The following TTC7B variants were observed in gnomAD, a reference collection of about 807,000 sequenced individuals.
TTC7B encodes tetratricopeptide repeat protein 7B.
In TTC7B, 28 loss-of-function variants were observed where a neutral mutation model predicts 106.8. That is an observed-to-expected ratio of 0.26 (90% CI 0.19 to 0.36). TTC7B has a LOEUF of 0.36. Ranked by LOEUF, TTC7B falls within the 10% of genes least tolerant of loss-of-function variation. The probability of loss-of-function intolerance (pLI) is 1.00; values close to 1 mark genes in which losing one functional copy is unlikely to be tolerated. For missense variants in TTC7B, 862 were observed against 1,076.4 expected, an observed-to-expected ratio of 0.80 and a Z score of 2.79; for synonymous variants, 405 against 430.6, an observed-to-expected ratio of 0.94 and a Z score of 0.74.
intron 19 of TTC7B, among the ~76,000 whole-genome samples, chr14:90,563,795 C>T (rs1055347259): frequency 6.6e-6 from 1 of 152,346 alleles, no homozygotes; most frequent in South Asian, 2.1e-4. Context: ...AATGTCTTCA[C>T]CAGGAGTAGA....
At chr14:90,561,801 C>A (rs1890599569) in intron 19 of TTC7B, among the ~76,000 whole-genome samples, 1 of 152,200 alleles carries the variant, frequency 6.6e-6, no homozygotes. Flanking sequence ...CTGGCTACAG[C>A]CCTAAGCTGA....
chr14:90,725,481 G>A (rs572628499), intron 5 of TTC7B, among the ~76,000 whole-genome samples: 2 of 152,228 alleles, frequency 1.3e-5, no homozygotes, highest in Non-Finnish European at 2.9e-5. Context: ...CAATTGCAAA[G>A]AGATTATATG....
At chr14:90,551,529 A>AT (rs1301895422) in intron 19 of TTC7B, among the ~76,000 whole-genome samples, 1 of 152,114 alleles carries the variant, frequency 6.6e-6, no homozygotes, top group Non-Finnish European at 1.5e-5. Flanking sequence ...ACACCAGCAC[A>AT]TGTGAGTCAC....
At chr14:90,625,601 T>C (rs759605959) in intron 15 of TTC7B, among the ~76,000 whole-genome samples, 3 of 152,186 alleles carry the variant, frequency 2.0e-5, no homozygotes, top group Admixed American at 2.0e-4. Context: ...GGTGAGCCTA[T>C]GATGCTGGGA....
intron 6 of TTC7B, among the ~76,000 whole-genome samples, chr14:90,694,681 T>TTATTTTATTACAAAATA: frequency 7.0e-6 from 1 of 143,612 alleles, no homozygotes; most frequent in African/African-American, 2.5e-5. Context: ...ATGTATATTT[T>TTATTTTATTACAAAATA]TATTTTATTA....
At position 90,534,330 on chromosome 14, in the gene TTC7B, G is replaced by C. The variant is rs895140367; in HGVS notation, c.*7038C>G. 7 of 152,344 alleles carry C rather than the reference G, an allele frequency of 4.6e-5. No homozygotes were observed. Among genetic ancestry groups the C allele is most frequent in the Admixed American group, 2.0e-4 (3 of 15,312 alleles). The allele number at this position is 152,344 out of a possible 1,614,324, so 9.4% of individuals were successfully genotyped here. A position where few individuals can be genotyped will look rare whatever the true frequency, so the allele number is the denominator to read the frequency against. ...CCCTAAGGCTCAGCCCTGGGGCTCG[G>C]CCCATTTTCCTGTGTGGGGTCCTCA... is the stretch of plus-strand genomic sequence containing the variant. On this transcript the variant is annotated 3_prime_UTR_variant, in exon 20 of 20. Transcript: ENST00000328459.
chr14:90,680,356 C>T, intron 8 of TTC7B, 116 bp downstream of exon 8: 1 of 758,206 alleles, frequency 1.3e-6, no homozygotes, highest in Non-Finnish European at 2.2e-6. Context: ...CCAGGTATAC[C>T]CTCTAGAAAG....
At position 90,541,198 on chromosome 14, in the gene TTC7B, A is replaced by G. The variant is rs1378673632; in HGVS notation, c.*170T>C. On this transcript the variant is annotated 3_prime_UTR_variant, in exon 20 of 20. Coordinates refer to ENST00000328459, the MANE Select transcript of TTC7B (RefSeq NM_001010854.2). The stretch of plus-strand genomic sequence containing the variant: ...GGCAAAAAAAACAAGAGAAACGCAC[A>G]TGGCGAGAGCGATGATTCGGGGTTG... The G allele has an allele frequency of 3.9e-6, 2 of 519,130 alleles. No individual in the cohort carries two copies. The highest frequency in any genetic ancestry group is 3.6e-5 in the Admixed American group (1 of 27,842). 32.2% of individuals were successfully genotyped at this position (519,130 alleles called of 1,614,324 possible).
rs560270175 is a variant in TTC7B at position 90,717,338 on chromosome 14, C to CAA, written c.698+12735_698+12736dup. 1.0e-3 allele frequency among the ~76,000 whole-genome samples: 83 copies of CAA among 83,086 alleles called. 1 individual carries two copies. Among genetic ancestry groups the CAA allele is most frequent in the African/African-American group, 3.1e-3 (68 of 21,766 alleles). 54.5% of individuals were successfully genotyped at this position (83,086 alleles called of 152,430 possible). Reference sequence around the variant, plus strand: ...TGGGCAACAGAGAGGGACTCCATCTCAAAAAAAAAAAAAAAGAAAAGAAAT... The same window carrying CAA: ...TGGGCAACAGAGAGGGACTCCATCTCAAAAAAAAAAAAAAAAAGAAAAGAAAT... On this transcript the variant is annotated intron_variant, in intron 5 of 19. Transcript: ENST00000328459.
chr14:90,636,920 T>C (rs1275048874), intron 15 of TTC7B, among the ~76,000 whole-genome samples: 1 of 151,018 alleles, frequency 6.6e-6, no homozygotes, highest in Non-Finnish European at 1.5e-5. Flanking sequence ...TAAATGCTTA[T>C]GTCAGAAAAT....
At chr14:90,589,639 T>C (rs1595183901) in intron 18 of TTC7B, among the ~76,000 whole-genome samples, 1 of 152,320 alleles carries the variant, frequency 6.6e-6, no homozygotes, top group African/African-American at 2.4e-5. Context: ...GGGATACTTA[T>C]TGAAGCATTA....
chr14:90,679,815 G>T (rs1273754233), intron 8 of TTC7B, among the ~76,000 whole-genome samples: 2 of 152,156 alleles, frequency 1.3e-5, no homozygotes, highest in Non-Finnish European at 2.9e-5. Flanking sequence ...AATGATGAGT[G>T]GTGAAATAGA....
At chr14:90,543,065 A>G (rs1457872577) in intron 19 of TTC7B, among the ~76,000 whole-genome samples, 1 of 152,208 alleles carries the variant, frequency 6.6e-6, no homozygotes, top group Non-Finnish European at 1.5e-5. Flanking sequence ...TTTCTTTAAT[A>G]ACCATTGAGG....
chr14:90,794,487 A>G (rs11159977), intron 1 of TTC7B, among the ~76,000 whole-genome samples: 20,727 of 151,728 alleles, frequency 0.14, 1,674 homozygotes, highest in Non-Finnish European at 0.18. Flanking sequence ...CGGCCTCCCA[A>G]AGTGCTGGGA....
At chr14:90,569,974 G>A (rs892901656) in intron 19 of TTC7B, 1 of 152,268 alleles carries the variant, frequency 6.6e-6, no homozygotes, top group African/African-American at 2.4e-5. Context: ...GTCTGACAAG[G>A]AAGAGTATGC....
At chr14:90,654,078 G>A (rs187826375) in intron 12 of TTC7B, among the ~76,000 whole-genome samples, 8 of 152,228 alleles carry the variant, frequency 5.3e-5, no homozygotes, top group African/African-American at 1.4e-4. Context: ...AGAATTTGGA[G>A]TAATTTGTAA....
intron 3 of TTC7B, among the ~76,000 whole-genome samples, chr14:90,769,869 T>C (rs1472751243): frequency 3.3e-5 from 5 of 152,068 alleles, no homozygotes; most frequent in Non-Finnish European, 7.4e-5. Context: ...AAAAAAGGCG[T>C]TGAGTGTGGT....
At chr14:90,679,298 A>G (rs1457990512) in intron 8 of TTC7B, among the ~76,000 whole-genome samples, 1 of 152,230 alleles carries the variant, frequency 6.6e-6, no homozygotes, top group African/African-American at 2.4e-5. Context: ...AAGGCAAGAA[A>G]GCTGCCCTCT....
rs1390201072 is a variant in TTC7B, at chr14:90,624,436, T to G, written c.1752-6391A>C. On this transcript the variant is annotated intron_variant, in intron 15 of 19. Transcript: ENST00000328459. This position sits in a 1 kb window ranked among gnomAD's most constrained non-coding sequence, Gnocchi z 4.0. The stretch of plus-strand genomic sequence containing the variant: ...TGTCAGGGCCATGCTCGGTGTCTCA[T>G]GCCATTCCCCAGGAAGACTTCGCTG... Among the ~76,000 whole-genome samples the G allele has an allele frequency of 2.6e-5, 4 of 152,146 alleles. No individual in the cohort carries two copies. The highest frequency in any genetic ancestry group is 2.9e-5 in the Non-Finnish European group (2 of 68,016).
Sources: gnomAD v4.1 joint callset for allele counts (sites outside exome capture counted in the v4.1 genomes callset) on GRCh38, gnomAD v4.1.1 for gene constraint, Gnocchi (gnomAD v3.1) non-coding constraint, MANE v1.5 for transcripts, NCBI Gene and HGNC (gene_info 2026-07-23, HGNC 2026-07-21) for gene names.